The following RIPOR2 variants were observed in gnomAD, a reference collection of about 807,000 sequenced individuals.
RIPOR2 encodes rho family-interacting cell polarization regulator 2.
RIPOR2 carries 39 observed loss-of-function variants against 114.5 expected under a neutral mutation model. The observed-to-expected ratio is 0.34, with a 90% CI of 0.26 to 0.44. The LOEUF is 0.44. RIPOR2 is among the 20% of genes least tolerant of loss of function. The pLI, the probability that RIPOR2 is intolerant of heterozygous loss-of-function variation, is 1.00. For missense variants in RIPOR2, 1,007 were observed against 1,255.1 expected, an observed-to-expected ratio of 0.80 and a Z score of 2.99; for synonymous variants, 445 against 484.4, an observed-to-expected ratio of 0.92 and a Z score of 1.07.
intron 1 of RIPOR2, among the ~76,000 whole-genome samples, chr6:25,005,694 G>GAGATATATAT (rs1554130519): frequency 2.2e-5 from 1 of 45,378 alleles, no homozygotes; most frequent in South Asian, 1.1e-3. Context: ...TCCCTATGGA[G>GAGATATATAT]ATATATATAT....
At chr6:25,031,094 G>T (rs1776905208) in intron 1 of RIPOR2, 1 of 152,228 alleles carries the variant, frequency 6.6e-6, no homozygotes, top group Non-Finnish European at 1.5e-5. Context: ...TACCTGCTCT[G>T]TGTTTGACCT....
At chr6:24,988,763 T>A (rs1774652700) in intron 1 of RIPOR2, among the ~76,000 whole-genome samples, 2 of 152,190 alleles carry the variant, frequency 1.3e-5, no homozygotes, top group South Asian at 4.1e-4. Context: ...GTTACAATCA[T>A]CCAGAACAGG....
intron 1 of RIPOR2, among the ~76,000 whole-genome samples, chr6:24,903,542 A>G (rs1768677414): frequency 6.6e-6 from 1 of 152,198 alleles, no homozygotes; most frequent in South Asian, 2.1e-4. Flanking sequence ...GGATACTTAC[A>G]TAAAATCTCT....
At chr6:24,822,167 A>C (rs1759760721) in intron 19 of RIPOR2, among the ~76,000 whole-genome samples, 1 of 152,208 alleles carries the variant, frequency 6.6e-6, no homozygotes, top group Non-Finnish European at 1.5e-5. Flanking sequence ...TCTTGTGCTG[A>C]AGTTCATCTA....
intron 1 of RIPOR2, among the ~76,000 whole-genome samples, chr6:24,985,981 G>C (rs1428836018): frequency 6.6e-6 from 1 of 152,198 alleles, no homozygotes; most frequent in Admixed American, 6.5e-5. Flanking sequence ...GGTATCAGCT[G>C]CATGAACAGA....
intron 1 of RIPOR2, among the ~76,000 whole-genome samples, chr6:24,942,017 C>T (rs1772157561): frequency 6.6e-6 from 1 of 152,096 alleles, no homozygotes; most frequent in Non-Finnish European, 1.5e-5. Context: ...TGACCCCAGA[C>T]CCAAGACAGC....
At chr6:25,019,774 C>CAAAAAAAA (rs34107737) in intron 1 of RIPOR2, among the ~76,000 whole-genome samples, 148 of 53,048 alleles carry the variant, frequency 2.8e-3, no homozygotes, top group Non-Finnish European at 3.1e-3. Context: ...GACTCTGTCT[C>CAAAAAAAA]AAAAAAAAAA....
At chr6:25,016,754 T>G (rs1776024713) in intron 1 of RIPOR2, among the ~76,000 whole-genome samples, 1 of 152,254 alleles carries the variant, frequency 6.6e-6, no homozygotes, top group Non-Finnish European at 1.5e-5. Context: ...CATTAAAATT[T>G]CAAACTCTTG....
At chr6:25,023,918 C>A (rs1404258161) in intron 1 of RIPOR2, 2 of 722,392 alleles carry the variant, frequency 2.8e-6, no homozygotes, top group Middle Eastern at 3.3e-4. Context: ...AGGATTCCAG[C>A]CTCGTAGCTG....
intron 1 of RIPOR2, chr6:24,977,023 T>G (rs1561820610): frequency 3.4e-6 from 5 of 1,477,322 alleles, no homozygotes; most frequent in Non-Finnish European, 4.7e-6. Context: ...TCATTCCTTC[T>G]GTAGCTCAGG....
chr6:24,839,351 T>C (rs914615243), intron 13 of RIPOR2, 79 bp from the exon 14 acceptor site: 9 of 1,460,478 alleles, frequency 6.2e-6, no homozygotes, highest in Non-Finnish European at 8.2e-6. Flanking sequence ...CAATTGGAGA[T>C]GCCACACTTT....
At position 24,883,645 on chromosome 6, in the gene RIPOR2, A is replaced by C. The variant is rs114469210; in HGVS notation, c.62-7828T>G. On this transcript the variant is annotated intron_variant, in intron 1 of 21. Coordinates refer to ENST00000643898, the MANE Select transcript of RIPOR2 (RefSeq NM_001286445.3). This position sits in a 1 kb window ranked among gnomAD's most constrained non-coding sequence, Gnocchi z 4.1. The stretch of plus-strand genomic sequence containing the variant: ...ATAAAGCTGTTTAAAAAAAATCACT[A>C]CCAATTTCTAGAAAAAGTCATCATT... Among the ~76,000 whole-genome samples the C allele has an allele frequency of 3.2e-3, 480 of 152,268 alleles. 2 individuals carry two copies. Among genetic ancestry groups the C allele is most frequent in the Middle Eastern group, 0.02 (6 of 294 alleles).
At chr6:25,039,219 C>G (rs1582000058) in intron 1 of RIPOR2, among the ~76,000 whole-genome samples, 1 of 152,218 alleles carries the variant, frequency 6.6e-6, no homozygotes, top group African/African-American at 2.4e-5. Flanking sequence ...TGAGGGCCAC[C>G]CTTGCAGGCT....
chr6:24,944,910 T>C (rs1379153499), intron 1 of RIPOR2, among the ~76,000 whole-genome samples: 2 of 152,066 alleles, frequency 1.3e-5, no homozygotes, highest in African/African-American at 4.8e-5. Flanking sequence ...GGCACAAAAA[T>C]AGTTATATAG....
chr6:24,967,721 T>C (rs775813760), intron 1 of RIPOR2, among the ~76,000 whole-genome samples: 4 of 152,156 alleles, frequency 2.6e-5, no homozygotes, highest in Non-Finnish European at 4.4e-5. Context: ...ATACATGATC[T>C]AATTTAATCC....
In RIPOR2 at chr6:24,805,632, G is replaced by C. The variant is rs1193531745; in HGVS notation, c.*741C>G. ...TTTTGTGCTTTGTATTGAAAGTAAA[G>C]TTAGGTAGCTAAGGGGACTACTCAA... On this transcript the variant is annotated 3_prime_UTR_variant, in exon 22 of 22. Transcript: ENST00000643898. The C allele has an allele frequency of 1.3e-5, 2 of 152,096 alleles. No individual in the cohort carries two copies. Among genetic ancestry groups the C allele is most frequent in the Non-Finnish European group, 2.9e-5 (2 of 68,016 alleles). 9.4% of individuals were successfully genotyped at this position (152,096 alleles called of 1,614,324 possible). A position where few individuals can be genotyped will look rare whatever the true frequency, so the allele number is the denominator to read the frequency against.
At position 24,935,881 on chromosome 6, in the gene RIPOR2, A is replaced by G; in HGVS notation, c.18T>C (p.Ala6=). 1 of 1,535,508 alleles carries G rather than the reference A, an allele frequency of 6.5e-7. No homozygotes were observed. Among genetic ancestry groups the G allele is most frequent in the Non-Finnish European group, 8.7e-7 (1 of 1,146,742 alleles). Residue 6 remains alanine, a synonymous_variant, in exon 1 of 22, where the codon GCT becomes GCC. Transcript: ENST00000643898. ...CCTCTTCATCGACCAGGAGCTCCTC[A>G]GCATCAAAAAACTGCATCTTGGAGA... The part of the protein sequence containing the change: MQFFD[A]EELLVDEEDD...
At chr6:24,928,368 T>A (rs968030310) in intron 1 of RIPOR2, among the ~76,000 whole-genome samples, 3 of 152,220 alleles carry the variant, frequency 2.0e-5, no homozygotes, top group African/African-American at 7.2e-5. Flanking sequence ...ATTTTGCTGT[T>A]ATAAATAGAA....
intron 1 of RIPOR2, among the ~76,000 whole-genome samples, chr6:25,027,639 C>T (rs752118417): frequency 3.3e-5 from 5 of 152,306 alleles, no homozygotes; most frequent in Non-Finnish European, 7.4e-5. Flanking sequence ...CAGCCTTGGG[C>T]GCCCCCAGTG....
Sources: gnomAD v4.1 joint callset for allele counts (sites outside exome capture counted in the v4.1 genomes callset) on GRCh38, gnomAD v4.1.1 for gene constraint, Gnocchi (gnomAD v3.1) non-coding constraint, MANE v1.5 for transcripts, NCBI Gene and HGNC (gene_info 2026-07-23, HGNC 2026-07-21) for gene names.